Variants in C15orf40 observed in about 807,000 individuals in gnomAD.
The protein encoded by C15orf40 is UPF0235 protein C15orf40.
In C15orf40, 9 loss-of-function variants were observed where a neutral mutation model predicts 13.9. That is an observed-to-expected ratio of 0.65 (90% CI 0.39 to 1.13). The LOEUF (loss-of-function observed/expected upper bound fraction) is 1.13, where lower values mean the gene tolerates loss of function less well. Among genes scored for constraint, C15orf40 ranks in the 50% most tolerant of loss-of-function variants. The probability of loss-of-function intolerance (pLI) is 0.01; values close to 1 mark genes in which losing one functional copy is unlikely to be tolerated. For synonymous variants in C15orf40, 95 were observed against 69.2 expected, an observed-to-expected ratio of 1.37 and a Z score of -1.85; for missense variants, 225 against 188.5, an observed-to-expected ratio of 1.19 and a Z score of -1.13.
downstream of C15orf40, among the ~76,000 whole-genome samples, chr15:82,992,562 G>C (rs925857079): frequency 5.9e-5 from 9 of 151,308 alleles, no homozygotes; most frequent in African/African-American, 2.2e-4. Flanking sequence ...GAAAGCACAG[G>C]CACTGACCAG....
At chr15:83,006,381 A>C in intron 3 of C15orf40, 6 of 984,256 alleles carry the variant, frequency 6.1e-6, no homozygotes, top group Non-Finnish European at 7.2e-6. Flanking sequence ...GCTATTCTCT[A>C]TGTTGTTAAA....
At chr15:82,989,014 T>A (rs1475069167), downstream of C15orf40, 1 of 1,597,830 alleles carries the variant, frequency 6.3e-7, no homozygotes, top group East Asian at 2.2e-5. Flanking sequence ...GTACAGATTT[T>A]CAGAATGACT....
At chr15:83,010,174 C>A in intron 2 of C15orf40, 63 bp downstream of exon 2, 1 of 1,594,020 alleles carries the variant, frequency 6.3e-7, no homozygotes. Context: ...CTAACCAAAG[C>A]AAAGGAGGGC....
chr15:82,994,727 C>A (rs553323979), downstream of C15orf40: 1 of 152,056 alleles, frequency 6.6e-6, no homozygotes, highest in African/African-American at 2.4e-5. Flanking sequence ...GCATTTTAAC[C>A]AGAGACACAT....
At chr15:82,991,853 G>A, downstream of C15orf40, 2 of 1,270,732 alleles carry the variant, frequency 1.6e-6, no homozygotes, top group Non-Finnish European at 2.1e-6. Flanking sequence ...TGATACTACA[G>A]ATATTTAGTC....
downstream of C15orf40, among the ~76,000 whole-genome samples, chr15:82,993,527 A>G (rs2151273470): frequency 6.6e-6 from 1 of 152,358 alleles, no homozygotes; most frequent in Non-Finnish European, 1.5e-5. Context: ...AATTAGTAGC[A>G]TTTGGCCAGG....
At chr15:82,994,643 A>C (rs2030979781), downstream of C15orf40, among the ~76,000 whole-genome samples, 1 of 152,202 alleles carries the variant, frequency 6.6e-6, no homozygotes, top group Non-Finnish European at 1.5e-5. Context: ...CTTACTTTGT[A>C]ATGTCAGACA....
downstream of C15orf40, chr15:82,991,982 G>A (rs1007902765): frequency 1.1e-5 from 13 of 1,137,568 alleles, no homozygotes; most frequent in African/African-American, 8.0e-5. Context: ...CTGGGAGGCC[G>A]AGGCGGGAAG....
At chr15:82,989,116 C>T (rs746690756), downstream of C15orf40, 4 of 1,613,842 alleles carry the variant, frequency 2.5e-6, no homozygotes, top group Middle Eastern at 1.7e-4. Context: ...CTGAAACGCC[C>T]TCCTGAGTCT....
At position 83,005,631 on chromosome 15, in the gene C15orf40, AAG is replaced by A. The variant is rs1257289759; in HGVS notation, c.426_427del (p.Leu143GlyfsTer25). 2 of 1,612,030 alleles carry A rather than the reference AAG, an allele frequency of 1.2e-6. No homozygotes were observed. The highest frequency in any genetic ancestry group is 1.7e-6 in the Non-Finnish European group (2 of 1,179,124). On this transcript the variant is annotated frameshift_variant, in exon 4 of 4. Transcript: ENST00000304177. LOFTEE classifies it high-confidence loss of function. The stretch of plus-strand genomic sequence containing the variant: ...TTTGGCTTCCTTTTTTAATTTCTCC[AAG>A]ATCTCTTCTGGAGTTGTAGAAGCCA...
In C15orf40 at chr15:83,000,517, A is replaced by G. The variant is rs1344235589; in HGVS notation, c.*5080T>C. ...GAAGGATCACAGCATGTGAGCCCGT[A>G]GTCAGGCACTGCAGACTACCTAATA... On this transcript the variant is annotated 3_prime_UTR_variant, in exon 4 of 4. Coordinates refer to ENST00000304177, the MANE Select transcript of C15orf40 (RefSeq NM_144597.3). The G allele has an allele frequency of 1.3e-5, 2 of 152,274 alleles. No individual in the cohort carries two copies. The highest frequency in any genetic ancestry group is 2.9e-5 in the Non-Finnish European group (2 of 68,056). The allele number at this position is 152,274 out of a possible 1,614,324, so 9.4% of individuals were successfully genotyped here.
At position 83,005,227 on chromosome 15, in the gene C15orf40, C is replaced by G; in HGVS notation, c.*370G>C. On this transcript the variant is annotated 3_prime_UTR_variant, in exon 4 of 4. Coordinates refer to ENST00000304177, the MANE Select transcript of C15orf40 (RefSeq NM_144597.3). ...TCTTCTGTGCATGTAGTATATTTTTCTATTTAACAGCCTCTTCACCATTAG... is the reference window on the plus strand; with the variant it reads ...TCTTCTGTGCATGTAGTATATTTTTGTATTTAACAGCCTCTTCACCATTAG... 1 of 1,016,746 alleles carries G rather than the reference C, an allele frequency of 9.8e-7. No individual in the cohort carries two copies. Among genetic ancestry groups the G allele is most frequent in the Non-Finnish European group, 1.2e-6 (1 of 848,170 alleles). 63.0% of individuals were successfully genotyped at this position (1,016,746 alleles called of 1,614,324 possible). A position where few individuals can be genotyped will look rare whatever the true frequency, so the allele number is the denominator to read the frequency against.
downstream of C15orf40, chr15:82,991,967 GC>G: frequency 8.0e-7 from 1 of 1,251,122 alleles, no homozygotes; most frequent in Non-Finnish European, 1.0e-6. Flanking sequence ...TGTTATCCCA[GC>G]ACTCTGGGAG....
chr15:83,004,615 G>A lies in C15orf40; in HGVS notation c.*982C>T, dbSNP rs761476898. The A allele has an allele frequency of 2.2e-5, 20 of 899,542 alleles. No homozygotes were observed. The highest frequency in any genetic ancestry group is 2.7e-5 in the Non-Finnish European group (20 of 750,302). The allele number at this position is 899,542 out of a possible 1,614,324, so 55.7% of individuals were successfully genotyped here. On this transcript the variant is annotated 3_prime_UTR_variant, in exon 4 of 4. Coordinates refer to ENST00000304177, the MANE Select transcript of C15orf40 (RefSeq NM_144597.3). ...AATTTGCTGATTATTTAAGTTATTA[G>A]AGGAAGATGAAAATTCAGTGACTTC...
At chr15:83,010,185 T>C in intron 2 of C15orf40, 52 bp downstream of exon 2, 2 of 1,610,006 alleles carry the variant, frequency 1.2e-6, no homozygotes, top group Non-Finnish European at 1.7e-6. Context: ...AAAGGAGGGC[T>C]GTAGGAGACA....
intron 3 of C15orf40, among the ~76,000 whole-genome samples, chr15:83,005,986 C>A (rs2031658368): frequency 6.6e-6 from 1 of 152,096 alleles, no homozygotes; most frequent in Non-Finnish European, 1.5e-5. Flanking sequence ...AATCCCAGCA[C>A]TTTAGGAGGC....
chr15:83,002,825 C>CT lies in C15orf40; in HGVS notation c.*2771dup, dbSNP rs1244401020. 5.9e-5 allele frequency: 9 copies of CT among 152,130 alleles called. No homozygotes were observed. Among genetic ancestry groups the CT allele is most frequent in the Admixed American group, 2.6e-4 (4 of 15,272 alleles). The allele number at this position is 152,130 out of a possible 1,614,324, so 9.4% of individuals were successfully genotyped here. On this transcript the variant is annotated 3_prime_UTR_variant, in exon 4 of 4. Coordinates refer to ENST00000304177, the MANE Select transcript of C15orf40 (RefSeq NM_144597.3). ...ATTTTTTTTTTTCTTGAGACGGAGT[C>CT]TGCCTCTGCAGCCCACGCTGGAGCG...
At chr15:82,989,219 T>C, downstream of C15orf40, 1 of 1,606,256 alleles carries the variant, frequency 6.2e-7, no homozygotes, top group Non-Finnish European at 8.5e-7. Flanking sequence ...ATGCAGATAG[T>C]TGATCTGGCA....
chr15:82,995,760 G>C lies in C15orf40; in HGVS notation c.*9837C>G, dbSNP rs2031037664. 1 of 152,590 alleles carries C rather than the reference G, an allele frequency of 6.6e-6. No homozygotes were observed. The highest frequency in any genetic ancestry group is 1.5e-5 in the Non-Finnish European group (1 of 68,330). The allele number at this position is 152,590 out of a possible 1,614,324, so 9.5% of individuals were successfully genotyped here. ...AGATTGCACCACTGCACTCCAGCCTGGGTGACCGAGCGAGACTCCGTCTCA... is the reference window on the plus strand; with the variant it reads ...AGATTGCACCACTGCACTCCAGCCTCGGTGACCGAGCGAGACTCCGTCTCA... On this transcript the variant is annotated 3_prime_UTR_variant, in exon 4 of 4. Transcript: ENST00000304177.
Sources: allele counts gnomAD v4.1 joint callset (sites outside exome capture counted in the v4.1 genomes callset), GRCh38; gene constraint gnomAD v4.1.1; transcripts MANE v1.5; gene names NCBI Gene and HGNC (gene_info 2026-07-23, HGNC 2026-07-21).